Variants in CNGA3 observed in about 807,000 individuals in gnomAD.
CNGA3 encodes the protein cyclic nucleotide-gated channel alpha-3.
Under a neutral mutation model 46.6 loss-of-function variants are expected in CNGA3, and 42 were observed. The observed-to-expected ratio is 0.90, with a 90% confidence interval of 0.70 to 1.17. CNGA3 has a LOEUF of 1.17. Ranked by LOEUF, CNGA3 falls within the 50% of genes most tolerant of loss-of-function variation. The pLI is 0.00. For synonymous variants in CNGA3, 394 were observed against 369.4 expected, an observed-to-expected ratio of 1.07 and a Z score of -0.76; for missense variants, 893 against 890.7, an observed-to-expected ratio of 1.00 and a Z score of -0.03.
rs370145972 is a variant in CNGA3 at position 98,367,014 on chromosome 2, G to T, written c.-37-2925G>T. Among the ~76,000 whole-genome samples the T allele has an allele frequency of 1.4e-4, 22 of 152,050 alleles. No homozygotes were observed. The East Asian group carries it at 3.3e-3, about 23-fold the overall frequency. ...ATGAGAGGTCCCCTTGCCCTGTGCC[G>T]CTCCCAGGTGGGCAGGCGCTCCACC... On this transcript the variant is annotated intron_variant, in intron 1 of 7. Coordinates refer to ENST00000272602, the MANE Select transcript of CNGA3 (RefSeq NM_001298.3).
intron 6 of CNGA3, among the ~76,000 whole-genome samples, chr2:98,390,302 T>A (rs1322100652): frequency 1.3e-5 from 2 of 149,774 alleles, no homozygotes; most frequent in East Asian, 1.9e-4. Context: ...CGCCTGGCTT[T>A]TATATATATA....
intron 4 of CNGA3, among the ~76,000 whole-genome samples, chr2:98,382,221 G>A (rs1268877811): frequency 6.6e-6 from 1 of 152,182 alleles, no homozygotes; most frequent in Non-Finnish European, 1.5e-5. Flanking sequence ...TTTTTCTGGA[G>A]GCAAAGTCTC....
chr2:98,370,589 T>C (rs1333190856), intron 2 of CNGA3, among the ~76,000 whole-genome samples: 2 of 152,248 alleles, frequency 1.3e-5, no homozygotes, highest in East Asian at 3.9e-4. Context: ...AGCCAAGCCA[T>C]CAACCCCATC....
chr2:98,382,625 A>T (rs1391314257), intron 4 of CNGA3, among the ~76,000 whole-genome samples: 1 of 152,250 alleles, frequency 6.6e-6, no homozygotes, highest in African/African-American at 2.4e-5. Flanking sequence ...GCGAGGCCGC[A>T]TGGCTTTTTT....
At chr2:98,367,185 CTTT>C in intron 1 of CNGA3, among the ~76,000 whole-genome samples, 1 of 95,236 alleles carries the variant, frequency 1.1e-5, no homozygotes, top group South Asian at 3.2e-4. Context: ...TCTTTTTTTT[CTTT>C]TTTTTTTTTT....
chr2:98,379,858 A>G (rs2104204194), intron 3 of CNGA3: 2 of 445,528 alleles, frequency 4.5e-6, no homozygotes, highest in South Asian at 2.5e-5. Context: ...CTAATCCCCC[A>G]TTTGAAGGAT....
chr2:98,384,461 G>C (rs1280891145), intron 5 of CNGA3, among the ~76,000 whole-genome samples: 1 of 152,124 alleles, frequency 6.6e-6, no homozygotes, highest in African/African-American at 2.4e-5. Flanking sequence ...AATGTGCCAA[G>C]GGTTTTTCTT....
rs2279859 is a variant in CNGA3, at chr2:98,377,671, A to C, written c.102-16A>C. 1.4e-5 allele frequency: 23 copies of C among 1,607,228 alleles called. No homozygotes were observed. In the African/African-American group the frequency reaches 2.9e-4, roughly 21 times the overall value. On this transcript the variant is annotated splice_polypyrimidine_tract_variant and intron_variant, in intron 2 of 7. Coordinates refer to ENST00000272602, the MANE Select transcript of CNGA3 (RefSeq NM_001298.3). ...GCTTGAAATCAATTCTGCTTGCTGC[A>C]TATCTGATTTCCTAGAGCCCACTCG...
At chr2:98,391,626 G>T (rs756895127) in intron 6 of CNGA3, among the ~76,000 whole-genome samples, 3 of 152,154 alleles carry the variant, frequency 2.0e-5, no homozygotes, top group African/African-American at 7.2e-5. Flanking sequence ...CAATGGGGCC[G>T]CTCTTTGGGG....
chr2:98,351,156 T>C (rs895966573), intron 1 of CNGA3: 1 of 152,228 alleles, frequency 6.6e-6, no homozygotes, highest in African/African-American at 2.4e-5. Flanking sequence ...ACTTTGTTTC[T>C]TGAGAGGCAA....
In CNGA3 at chr2:98,369,938, G is replaced by C. The variant is rs1553447991; in HGVS notation, c.-37-1G>C. The C allele has an allele frequency of 7.2e-6, 11 of 1,535,868 alleles. No homozygotes were observed. The highest frequency in any genetic ancestry group is 1.7e-4 in the Middle Eastern group (1 of 5,954). ...GTGTCTGCTTTGTGTTCACATTTTA[G>C]CAATCATCTGGGGGGCTAAATGTGA... is the stretch of plus-strand genomic sequence containing the variant. On this transcript the variant is annotated splice_acceptor_variant, in intron 1 of 7. Coordinates refer to ENST00000272602, the MANE Select transcript of CNGA3 (RefSeq NM_001298.3). LOFTEE classifies it low-confidence loss of function (5UTR_SPLICE).
intron 1 of CNGA3, among the ~76,000 whole-genome samples, chr2:98,352,121 C>G (rs1432623886): frequency 6.6e-6 from 1 of 152,154 alleles, no homozygotes. Flanking sequence ...TTATGTGACT[C>G]TTTTTGTCTG....
chr2:98,380,929 G>C (rs1014864922), intron 4 of CNGA3, among the ~76,000 whole-genome samples: 1 of 152,190 alleles, frequency 6.6e-6, no homozygotes, highest in Non-Finnish European at 1.5e-5. Flanking sequence ...GGTGAGAGTA[G>C]AGCGAGGTGG....
intron 1 of CNGA3, among the ~76,000 whole-genome samples, chr2:98,357,095 A>G (rs2106076523): frequency 6.6e-6 from 1 of 152,370 alleles, no homozygotes; most frequent in Non-Finnish European, 1.5e-5. Flanking sequence ...TACTAAATGT[A>G]TGTGCCGGGT....
At chr2:98,381,822 A>T (rs1430607843) in intron 4 of CNGA3, among the ~76,000 whole-genome samples, 1 of 152,128 alleles carries the variant, frequency 6.6e-6, no homozygotes, top group Admixed American at 6.5e-5. Context: ...AGTATCCTCG[A>T]GGGACACCAT....
chr2:98,384,084 T>G (rs1010420501), intron 5 of CNGA3, among the ~76,000 whole-genome samples: 3 of 151,458 alleles, frequency 2.0e-5, no homozygotes, highest in Non-Finnish European at 4.4e-5. Context: ...AGAGGGGGGG[T>G]TTCACCGTGT....
At chr2:98,391,282 G>C (rs774664011) in intron 6 of CNGA3, among the ~76,000 whole-genome samples, 1 of 152,060 alleles carries the variant, frequency 6.6e-6, no homozygotes, top group South Asian at 2.1e-4. Context: ...TGGTGCACGC[G>C]GGCTCTGGGG....
At chr2:98,352,259 T>C (rs1455839192) in intron 1 of CNGA3, among the ~76,000 whole-genome samples, 1 of 152,230 alleles carries the variant, frequency 6.6e-6, no homozygotes, top group African/African-American at 2.4e-5. Flanking sequence ...CATACTACAT[T>C]TTGTTTATCC....
intron 3 of CNGA3, 89 bp downstream of exon 3, chr2:98,377,889 G>T (rs1468306968): frequency 1.5e-6 from 2 of 1,344,304 alleles, no homozygotes; most frequent in African/African-American, 2.9e-5. Flanking sequence ...GTGCTAGATG[G>T]GGGTGGAGTT....
Sources: allele counts gnomAD v4.1 joint callset (sites outside exome capture counted in the v4.1 genomes callset), GRCh38; gene constraint gnomAD v4.1.1; transcripts MANE v1.5; gene names NCBI Gene and HGNC (gene_info 2026-07-23, HGNC 2026-07-21).